The following CMKLR2 variants were observed in gnomAD, a reference collection of about 807,000 sequenced individuals.
CMKLR2 encodes chemerin-like receptor 2.
A neutral mutation model predicts 23.0 loss-of-function variants in CMKLR2; 18 were observed. That is an observed-to-expected ratio of 0.78 (90% CI 0.54 to 1.16). CMKLR2 has a LOEUF of 1.16. Ranked by LOEUF, CMKLR2 falls within the 50% of genes most tolerant of loss-of-function variation. The probability of loss-of-function intolerance (pLI) is 0.00; values close to 1 mark genes in which losing one functional copy is unlikely to be tolerated. For synonymous variants in CMKLR2, 158 were observed against 158.9 expected (o/e 0.99, Z 0.05); for missense variants, 401 against 412.7 (o/e 0.97, Z 0.25).
intron 1 of CMKLR2, among the ~76,000 whole-genome samples, chr2:206,211,120 G>C (rs1252361082): frequency 6.6e-6 from 1 of 152,002 alleles, no homozygotes; most frequent in African/African-American, 2.4e-5. Flanking sequence ...CTCCATGAAG[G>C]CTTTTCTTTT....
upstream of CMKLR2, among the ~76,000 whole-genome samples, chr2:206,214,926 C>T (rs1378451850): frequency 6.6e-6 from 1 of 152,012 alleles, no homozygotes; most frequent in Non-Finnish European, 1.5e-5. Flanking sequence ...CACCTGGCCG[C>T]TATCTTTATT....
At chr2:206,209,282 G>A (rs2105841205) in intron 1 of CMKLR2, among the ~76,000 whole-genome samples, 1 of 151,706 alleles carries the variant, frequency 6.6e-6, no homozygotes, top group Admixed American at 6.6e-5. Context: ...AGGTTGCAGT[G>A]AGCTGAGATC....
chr2:206,200,180 T>G (rs1689048902), intron 1 of CMKLR2, among the ~76,000 whole-genome samples: 1 of 151,414 alleles, frequency 6.6e-6, no homozygotes, highest in African/African-American at 2.4e-5. Flanking sequence ...TCCCAGCACT[T>G]TGGGAGGCTG....
chr2:206,200,874 T>A (rs1689072332), intron 1 of CMKLR2, among the ~76,000 whole-genome samples: 3 of 152,252 alleles, frequency 2.0e-5, no homozygotes, highest in Non-Finnish European at 1.5e-5. Flanking sequence ...TATCTTTTGT[T>A]CTCATCACAG....
chr2:206,187,499 G>T (rs929943801), intron 1 of CMKLR2, among the ~76,000 whole-genome samples: 2 of 152,130 alleles, frequency 1.3e-5, no homozygotes, highest in Non-Finnish European at 2.9e-5. Context: ...GGAAAAATGT[G>T]TTTACAAAGA....
intron 1 of CMKLR2, among the ~76,000 whole-genome samples, chr2:206,204,891 G>A (rs1035440508): frequency 6.6e-5 from 10 of 152,268 alleles, no homozygotes; most frequent in African/African-American, 2.4e-4. Flanking sequence ...TTGTGATAAT[G>A]TTCCACCAAA....
intron 1 of CMKLR2, among the ~76,000 whole-genome samples, chr2:206,204,861 C>T (rs759424390): frequency 2.0e-5 from 3 of 152,182 alleles, no homozygotes; most frequent in Non-Finnish European, 4.4e-5. Flanking sequence ...CCATCCTTGA[C>T]AAAGTGGCAT....
At chr2:206,180,734 C>CATTATTATTATTATT (rs58356678) in intron 1 of CMKLR2, among the ~76,000 whole-genome samples, 21,255 of 130,176 alleles carry the variant, frequency 0.16, 2,083 homozygotes, top group Non-Finnish European at 0.19. Context: ...GTGCCCAGCC[C>CATTATTATTATTATT]ATTATTATTA....
rs1378561981 is a variant in CMKLR2, at chr2:206,180,225, A to T, written c.-28-2950T>A. Among the ~76,000 whole-genome samples the T allele has an allele frequency of 2.0e-5, 3 of 152,212 alleles. No homozygotes were observed. The East Asian group carries it at 5.8e-4, about 29-fold the overall frequency. On this transcript the variant is annotated intron_variant, in intron 1 of 1. Transcript: ENST00000621141. ...AATTTGATCCTCATAAGAATCTTAC[A>T]TACACTTGTAATCCCAGTGCTTTGG... is the stretch of plus-strand genomic sequence containing the variant.
Position 206,205,215 on chromosome 2 carries a change from T to C in CMKLR2, c.-29+8092A>G, listed in dbSNP as rs1002970161. On this transcript the variant is annotated intron_variant, in intron 1 of 1. Transcript: ENST00000621141. ...ACCATACCTAGAAAACAGGTCTCTA[T>C]TTTCAAAAATCAATCTTTTATTTAT... Among the ~76,000 whole-genome samples the C allele has an allele frequency of 2.0e-5, 3 of 152,248 alleles. No individual in the cohort carries two copies. The South Asian group carries it at 6.2e-4, about 31-fold the overall frequency.
intron 1 of CMKLR2, among the ~76,000 whole-genome samples, chr2:206,190,157 C>T (rs1000982109): frequency 6.6e-6 from 1 of 152,064 alleles, no homozygotes; most frequent in African/African-American, 2.4e-5. Context: ...GCTGTAGTTC[C>T]CATGTCATTT....
chr2:206,207,728 C>CTGTTTTTTTTTTT (rs1689382428), intron 1 of CMKLR2, among the ~76,000 whole-genome samples: 2 of 43,582 alleles, frequency 4.6e-5, no homozygotes, highest in East Asian at 1.2e-3. Context: ...ACCTCAGGGC[C>CTGTTTTTTTTTTT]TTTTTTTTTT....
Position 206,176,175 on chromosome 2 carries a change from A to G in CMKLR2, c.*5T>C, listed in dbSNP as rs1489122693. The G allele has an allele frequency of 1.3e-6, 2 of 1,588,520 alleles. No individual in the cohort carries two copies. Among genetic ancestry groups the G allele is most frequent in the Non-Finnish European group, 8.6e-7 (1 of 1,167,180 alleles). ...CCATATACTGATTTGTGGAAAAGTA[A>G]TAACTTATTGAGCTGTTTCCAGGAG... On this transcript the variant is annotated 3_prime_UTR_variant, in exon 2 of 2. Coordinates refer to ENST00000621141, the MANE Select transcript of CMKLR2 (RefSeq NM_001389445.1).
chr2:206,184,894 T>C (rs1230195661), intron 1 of CMKLR2, among the ~76,000 whole-genome samples: 2 of 152,214 alleles, frequency 1.3e-5, no homozygotes, highest in Non-Finnish European at 2.9e-5. Flanking sequence ...AGTAATATTA[T>C]AAAATTACAT....
intron 1 of CMKLR2, among the ~76,000 whole-genome samples, chr2:206,197,999 AT>A (rs1416512878): frequency 6.6e-6 from 1 of 152,108 alleles, no homozygotes; most frequent in Non-Finnish European, 1.5e-5. Context: ...CCAGTGGAAT[AT>A]TTTCCATGTT....
chr2:206,177,065 C>T lies in CMKLR2; in HGVS notation c.183G>A (p.Trp61Ter), dbSNP rs746797584. The change falls in exon 2 of 2, where the codon TGG becomes TGA. Residue 61 changes from tryptophan to a stop codon, truncating the protein, a stop_gained. Coordinates refer to ENST00000621141, the MANE Select transcript of CMKLR2 (RefSeq NM_001389445.1). LOFTEE classifies it high-confidence loss of function. ...TCTTCTTCCACTTGAACCCCGTGAA[C>T]CAAATGACGATGGCATTTCCTGGAA... The part of the protein sequence containing the change: ...LGIPGNAIVI[W>*]FTGFKWKKTV... 2 of 1,614,192 alleles carry T rather than the reference C, an allele frequency of 1.2e-6. No individual in the cohort carries two copies. Among genetic ancestry groups the T allele is most frequent in the South Asian group, 1.1e-5 (1 of 91,088 alleles).
Position 206,206,903 on chromosome 2 carries a change from C to T in CMKLR2, c.-29+6404G>A, listed in dbSNP as rs934794852. Among the ~76,000 whole-genome samples, 10 of 143,472 alleles carry T rather than the reference C, an allele frequency of 7.0e-5. 1 individual carries two copies. In the South Asian group the frequency reaches 2.2e-3, roughly 32 times the overall value. 94.1% of individuals were successfully genotyped at this position (143,472 alleles called of 152,430 possible). A position where few individuals can be genotyped will look rare whatever the true frequency, so the allele number is the denominator to read the frequency against. ...TCATCAAATCCATTAGTTCCTGTTT[C>T]AGTCCCCCTGCCCCTTTTTTTTTTT... On this transcript the variant is annotated intron_variant, in intron 1 of 1. Coordinates refer to ENST00000621141, the MANE Select transcript of CMKLR2 (RefSeq NM_001389445.1).
At chr2:206,215,439 A>G (rs1489326905), upstream of CMKLR2, among the ~76,000 whole-genome samples, 1 of 152,226 alleles carries the variant, frequency 6.6e-6, no homozygotes, top group Non-Finnish European at 1.5e-5. Context: ...GGAACCATTG[A>G]GTAGCAAAGA....
intron 1 of CMKLR2, among the ~76,000 whole-genome samples, chr2:206,183,937 T>G (rs1295555319): frequency 6.6e-6 from 1 of 152,196 alleles, no homozygotes; most frequent in Non-Finnish European, 1.5e-5. Context: ...ATTCATTTCC[T>G]AGGGCTGCTG....
Sources: allele counts gnomAD v4.1 joint callset (sites outside exome capture counted in the v4.1 genomes callset), GRCh38; gene constraint gnomAD v4.1.1; transcripts MANE v1.5; gene names NCBI Gene and HGNC (gene_info 2026-07-23, HGNC 2026-07-21).